Variants in TMEM178A observed in about 807,000 individuals in gnomAD.
TMEM178A encodes transmembrane protein 178A.
A neutral mutation model predicts 29.1 loss-of-function variants in TMEM178A; 12 were observed. The ratio of observed to expected loss-of-function variants is 0.41; its 90% CI spans 0.26 to 0.67. The LOEUF (loss-of-function observed/expected upper bound fraction) is 0.67. Among genes scored for constraint, TMEM178A ranks in the 30% least tolerant of loss-of-function variants. The pLI, the probability that TMEM178A is intolerant of heterozygous loss-of-function variation, is 0.29. For missense variants in TMEM178A, 366 were observed against 419.1 expected (o/e 0.87, Z 1.11); for synonymous variants, 210 against 187.2 (o/e 1.12, Z -0.99).
chr2:39,718,065 TTAA>T, downstream of TMEM178A: 1 of 152,682 alleles, frequency 6.5e-6, no homozygotes, highest in East Asian at 1.9e-4. Context: ...TTATTAAGAC[TTAA>T]TAATTGCTTC....
rs1239254085 is a variant in TMEM178A at position 39,666,224 on chromosome 2, C to A, written c.250C>A (p.Arg84Ser). Residue 84 changes from arginine to serine, a missense_variant, in exon 1 of 4, where the codon CGC becomes AGC. Arg to Ser is a moderately radical substitution (Grantham distance 110, BLOSUM62 -1). Coordinates refer to ENST00000281961, the MANE Select transcript of TMEM178A (RefSeq NM_152390.3). ...GRRLLPGGPG[R>S]ADPESWRSLL... ...CCGGCTGCTCCCGGGCGGCCCGGGG[C>A]GCGCCGACCCCGAGTCCTGGCGCTC... The A allele has an allele frequency of 2.2e-6, 3 of 1,345,210 alleles. No individual in the cohort carries two copies. The highest frequency in any genetic ancestry group is 2.8e-6 in the Non-Finnish European group (3 of 1,057,098). 83.3% of individuals were successfully genotyped at this position (1,345,210 alleles called of 1,614,324 possible).
intron 1 of TMEM178A, among the ~76,000 whole-genome samples, chr2:39,670,278 G>A (rs1670355880): frequency 6.6e-6 from 1 of 152,118 alleles, no homozygotes; most frequent in African/African-American, 2.4e-5. Flanking sequence ...AATGACAAGT[G>A]GCCTAAAGAT....
chr2:39,673,238 G>A (rs924431918), intron 1 of TMEM178A, among the ~76,000 whole-genome samples: 1 of 152,168 alleles, frequency 6.6e-6, no homozygotes, highest in African/African-American at 2.4e-5. Context: ...CAGAGTCACG[G>A]GAAACTACAT....
intron 1 of TMEM178A, among the ~76,000 whole-genome samples, chr2:39,668,262 A>G (rs1670258772): frequency 6.6e-6 from 1 of 152,224 alleles, no homozygotes; most frequent in Admixed American, 6.5e-5. Context: ...TTTCTGACAA[A>G]TGGTTGTCTA....
Position 39,717,837 on chromosome 2 carries a change from T to C in TMEM178A, c.*586T>C, listed in dbSNP as rs1672613638. The C allele has an allele frequency of 6.5e-6, 1 of 153,296 alleles. No homozygotes were observed. Among genetic ancestry groups the C allele is most frequent in the Non-Finnish European group, 1.5e-5 (1 of 68,524 alleles). 9.5% of individuals were successfully genotyped at this position (153,296 alleles called of 1,614,324 possible). On this transcript the variant is annotated 3_prime_UTR_variant, in exon 4 of 4. Transcript: ENST00000281961. ...TTGTACTGGAATCGAAATCATAAGA[T>C]AAACAGATCAAACGTGCTTAAGAGC...
intron 1 of TMEM178A, among the ~76,000 whole-genome samples, chr2:39,696,798 C>T (rs913185644): frequency 6.6e-6 from 1 of 152,218 alleles, no homozygotes; most frequent in African/African-American, 2.4e-5. Flanking sequence ...CCATTTCTAA[C>T]CCCCTGTGCA....
At chr2:39,695,528 A>G (rs974737309) in intron 1 of TMEM178A, among the ~76,000 whole-genome samples, 2 of 151,482 alleles carry the variant, frequency 1.3e-5, no homozygotes, top group African/African-American at 4.9e-5. Flanking sequence ...TTTCGAAGGC[A>G]GTGAGCCTGG....
intron 1 of TMEM178A, among the ~76,000 whole-genome samples, chr2:39,685,705 A>G (rs952300487): frequency 2.6e-5 from 4 of 152,226 alleles, no homozygotes; most frequent in Non-Finnish European, 5.9e-5. Flanking sequence ...TTGGAATTCC[A>G]ATGAGATAAA....
the TMEM178A span, among the ~76,000 whole-genome samples, chr2:39,724,935 A>G: frequency 1.3e-5 from 2 of 152,338 alleles, no homozygotes; most frequent in East Asian, 3.9e-4. Flanking sequence ...TCATGCCAAC[A>G]TGTTTCTCAA....
chr2:39,715,003 C>A (rs1436807051), intron 3 of TMEM178A, among the ~76,000 whole-genome samples: 1 of 152,136 alleles, frequency 6.6e-6, no homozygotes, highest in Non-Finnish European at 1.5e-5. Context: ...GTTTCCCACT[C>A]TTTTTTTCCC....
intron 1 of TMEM178A, among the ~76,000 whole-genome samples, chr2:39,702,694 C>T (rs1671838913): frequency 1.3e-5 from 2 of 150,688 alleles, no homozygotes; most frequent in African/African-American, 4.9e-5. Flanking sequence ...AAAAGAACTT[C>T]GAATTTTGAG....
upstream of TMEM178A, chr2:39,665,601 AG>A (rs1390783263): frequency 3.6e-5 from 6 of 168,538 alleles, no homozygotes; most frequent in East Asian, 2.8e-4. Context: ...TAAAAGGGGA[AG>A]GGGGGTCGCT....
intron 2 of TMEM178A, 22 bp from the exon 3 acceptor site, chr2:39,707,027 T>A (rs569342972): frequency 1.9e-6 from 3 of 1,587,990 alleles, no homozygotes; most frequent in East Asian, 4.5e-5. Context: ...ATTGTGAATG[T>A]CTGTGTCTGT....
chr2:39,719,404 G>T (rs1001979561), downstream of TMEM178A, among the ~76,000 whole-genome samples: 7 of 152,228 alleles, frequency 4.6e-5, no homozygotes, highest in Non-Finnish European at 7.3e-5. Flanking sequence ...ACACCAGAAA[G>T]ATTTGCCTCG....
intron 1 of TMEM178A, among the ~76,000 whole-genome samples, chr2:39,669,018 T>C (rs1670295376): frequency 6.6e-6 from 1 of 152,238 alleles, no homozygotes; most frequent in African/African-American, 2.4e-5. Flanking sequence ...TGTATCTAAT[T>C]TTAAAATTTG....
At chr2:39,719,007 T>A (rs542134233), downstream of TMEM178A, among the ~76,000 whole-genome samples, 1 of 152,280 alleles carries the variant, frequency 6.6e-6, no homozygotes, top group East Asian at 1.9e-4. Flanking sequence ...GATTTCCAAG[T>A]GATGGTGTCC....
Position 39,710,312 on chromosome 2 carries a change from T to A in TMEM178A, c.652+3126T>A, listed in dbSNP as rs1424260374. On this transcript the variant is annotated intron_variant, in intron 3 of 3. Coordinates refer to ENST00000281961, the MANE Select transcript of TMEM178A (RefSeq NM_152390.3). ...TTAACATTGTTCTGTTGTTTTGTTT[T>A]GGTTGCCCAAACAACGTTATTGAAA... Among the ~76,000 whole-genome samples the A allele has an allele frequency of 2.6e-5, 4 of 152,368 alleles. No individual in the cohort carries two copies. In the South Asian group the frequency reaches 6.2e-4, roughly 24 times the overall value.
intron 3 of TMEM178A, among the ~76,000 whole-genome samples, chr2:39,709,227 C>T (rs72803170): frequency 6.6e-6 from 1 of 152,332 alleles, no homozygotes; most frequent in Non-Finnish European, 1.5e-5. Context: ...CCTTAAGGAA[C>T]CCACATCACA....
chr2:39,670,652 A>G (rs1357570194), intron 1 of TMEM178A, among the ~76,000 whole-genome samples: 1 of 152,216 alleles, frequency 6.6e-6, no homozygotes, highest in Non-Finnish European at 1.5e-5. Flanking sequence ...GGACAGATGG[A>G]AGCAGACTCA....
Sources: allele counts gnomAD v4.1 joint callset (sites outside exome capture counted in the v4.1 genomes callset), GRCh38; gene constraint gnomAD v4.1.1; transcripts MANE v1.5; gene names NCBI Gene and HGNC (gene_info 2026-07-23, HGNC 2026-07-21).